The following PSMD11 variants were observed in gnomAD, a reference collection of about 807,000 sequenced individuals.
The protein encoded by PSMD11 is 26S proteasome non-ATPase regulatory subunit 11.
A neutral mutation model predicts 62.3 loss-of-function variants in PSMD11; 5 were observed. That is an observed-to-expected ratio of 0.08 (90% CI 0.04 to 0.17). PSMD11 has a LOEUF of 0.17. PSMD11 is among the 10% of genes least tolerant of loss of function. The probability of loss-of-function intolerance (pLI) is 1.00; values close to 1 mark genes in which losing one functional copy is unlikely to be tolerated. For missense variants in PSMD11, 310 were observed against 512.9 expected (o/e 0.60, Z 3.82); for synonymous variants, 191 against 191.8 (o/e 1.00, Z 0.03).
intron 7 of PSMD11, 144 bp from the exon 8 acceptor site, chr17:32,474,620 G>A: frequency 1.4e-6 from 1 of 737,320 alleles, no homozygotes; most frequent in Non-Finnish European, 2.4e-6. Context: ...AATGTGATGG[G>A]CATATGGGTT....
rs1036456310 is a variant in PSMD11 at position 32,480,462 on chromosome 17, C to T, written c.1127-27C>T. On this transcript the variant is annotated intron_variant, in intron 12 of 13. Coordinates refer to ENST00000261712, the MANE Select transcript of PSMD11 (RefSeq NM_002815.4). ...CTTTTGTGTCTAACCTCATCTTTTACCTGGGTTGCCCTTGTGTTTCTTGCA... is the reference window on the plus strand; with the variant it reads ...CTTTTGTGTCTAACCTCATCTTTTATCTGGGTTGCCCTTGTGTTTCTTGCA... The T allele has an allele frequency of 1.9e-6, 3 of 1,613,750 alleles. No individual in the cohort carries two copies. In the African/African-American group the frequency reaches 4.0e-5, roughly 22 times the overall value.
At chr17:32,473,289 T>G (rs1908224978) in intron 6 of PSMD11, among the ~76,000 whole-genome samples, 2 of 151,920 alleles carry the variant, frequency 1.3e-5, no homozygotes, top group Non-Finnish European at 2.9e-5. Flanking sequence ...TGGCTTTTTT[T>G]TTTTGAGACG....
chr17:32,454,499 T>C lies in PSMD11; in HGVS notation c.198T>C (p.Leu66=), dbSNP rs768559815. The change falls in exon 3 of 14, where the codon CTT becomes CTC. Residue 66 remains leucine, a synonymous_variant. Coordinates refer to ENST00000261712, the MANE Select transcript of PSMD11 (RefSeq NM_002815.4). ...LLAKTGQAAE[L]GGLLKYVRPF... ...TTTGAATTGCCTTTCCTACAGAGCTTGGAGGACTCCTGAAGTATGTACGAC... is the reference window on the plus strand; with the variant it reads ...TTTGAATTGCCTTTCCTACAGAGCTCGGAGGACTCCTGAAGTATGTACGAC... 5 of 1,613,594 alleles carry C rather than the reference T, an allele frequency of 3.1e-6. No homozygotes were observed. In the Admixed American group the frequency reaches 6.7e-5, roughly 22 times the overall value.
At position 32,464,135 on chromosome 17, in the gene PSMD11, A is replaced by G; in HGVS notation, c.390+15A>G. ...AAGCTTTGGAGGTAGGTTTTACATTAGTACTCATTTCAGGTCTCTAAGCAT... is the reference window on the plus strand; with the variant it reads ...AAGCTTTGGAGGTAGGTTTTACATTGGTACTCATTTCAGGTCTCTAAGCAT... On this transcript the variant is annotated intron_variant, in intron 4 of 13. Transcript: ENST00000261712. 6.2e-7 allele frequency: 1 copy of G among 1,604,176 alleles called. No individual in the cohort carries two copies. Among genetic ancestry groups the G allele is most frequent in the Non-Finnish European group, 8.5e-7 (1 of 1,170,916 alleles).
In PSMD11 at chr17:32,479,313, G is replaced by A; in HGVS notation, c.975G>A (p.Lys325=). 6.2e-7 allele frequency: 1 copy of A among 1,614,216 alleles called. No individual in the cohort carries two copies. The highest frequency in any genetic ancestry group is 8.5e-7 in the Non-Finnish European group (1 of 1,180,022). ...CAATCATCAGCACACACTTGGCCAAGTTGTATGATAACTTACTAGAACAGA... is the reference window on the plus strand; with the variant it reads ...CAATCATCAGCACACACTTGGCCAAATTGTATGATAACTTACTAGAACAGA... ...DDPIISTHLA[K]LYDNLLEQNL... is the part of the protein sequence containing the mutation. The change falls in exon 10 of 14, where the codon AAG becomes AAA. Residue 325 remains lysine (K), a synonymous_variant. Coordinates refer to ENST00000261712, the MANE Select transcript of PSMD11 (RefSeq NM_002815.4).
At chr17:32,450,398 G>A (rs1907455836) in intron 2 of PSMD11, among the ~76,000 whole-genome samples, 1 of 151,560 alleles carries the variant, frequency 6.6e-6, no homozygotes, top group Non-Finnish European at 1.5e-5. Flanking sequence ...TGGGACTACA[G>A]GCGTGAGCCA....
At position 32,474,842 on chromosome 17, in the gene PSMD11, T is replaced by C. The variant is rs1188708667; in HGVS notation, c.849+18T>C. Reference sequence around the variant, plus strand: ...GGAGGCAGGTAGGGACTCCCTTGACTGCAGTTCTGCTCACTCTGAGACCAG... The same window carrying C: ...GGAGGCAGGTAGGGACTCCCTTGACCGCAGTTCTGCTCACTCTGAGACCAG... On this transcript the variant is annotated intron_variant, in intron 8 of 13. Transcript: ENST00000261712. 1.3e-6 allele frequency: 2 copies of C among 1,593,536 alleles called. No individual in the cohort carries two copies. Among genetic ancestry groups the C allele is most frequent in the Admixed American group, 3.3e-5 (2 of 59,944 alleles).
chr17:32,474,108 C>T, intron 7 of PSMD11, 163 bp downstream of exon 7: 1 of 777,316 alleles, frequency 1.3e-6, no homozygotes, highest in Non-Finnish European at 2.0e-6. Context: ...AAAAGTGGTC[C>T]AGAAAACTTT....
rs1412889130 is a variant in PSMD11, at chr17:32,447,014, G to C, written c.161G>C (p.Gly54Ala). 2 of 1,611,942 alleles carry C rather than the reference G, an allele frequency of 1.2e-6. No homozygotes were observed. Among genetic ancestry groups the C allele is most frequent in the African/African-American group, 2.7e-5 (2 of 74,774 alleles). ...QVKEQSILEL[G>A]SLLAKTGQAA... ...AAAGAGCAGAGCATCCTGGAACTGG[G>C]ATCTCTCCTGGCAAAGACTGGACAA... The change falls in exon 2 of 14, where the codon GGA (glycine) becomes GCA (alanine). Residue 54 changes from glycine (G) to alanine (A), a missense_variant. Coordinates refer to ENST00000261712, the MANE Select transcript of PSMD11 (RefSeq NM_002815.4).
chr17:32,475,554 G>C (rs957743732), intron 8 of PSMD11, among the ~76,000 whole-genome samples: 13 of 151,280 alleles, frequency 8.6e-5, no homozygotes, highest in African/African-American at 3.2e-4. Context: ...CTCTGGAGGA[G>C]TGGCCACATA....
At chr17:32,479,675 G>C in intron 10 of PSMD11, 176 bp from the exon 11 acceptor site, 1 of 757,798 alleles carries the variant, frequency 1.3e-6, no homozygotes, top group South Asian at 1.8e-5. Flanking sequence ...TGTTTATTGT[G>C]TGTAGCAGTG....
At chr17:32,446,910 A>G (rs751558945) in intron 1 of PSMD11, 35 bp from the exon 2 acceptor site, 30 of 1,505,988 alleles carry the variant, frequency 2.0e-5, no homozygotes, top group Admixed American at 3.6e-5. Flanking sequence ...TTTTTTGGTC[A>G]GAATTTTAAG....
intron 3 of PSMD11, among the ~76,000 whole-genome samples, chr17:32,458,563 C>T (rs1907716232): frequency 1.3e-5 from 2 of 152,218 alleles, no homozygotes; most frequent in African/African-American, 2.4e-5. Context: ...CCTTGTATGA[C>T]AGTGGCTTTA....
chr17:32,470,608 A>G (rs1029860452), intron 6 of PSMD11, among the ~76,000 whole-genome samples: 5 of 152,120 alleles, frequency 3.3e-5, no homozygotes, highest in Admixed American at 1.3e-4. Context: ...TTAACAATAA[A>G]CCTCATGTGC....
chr17:32,469,273 C>G lies in PSMD11; in HGVS notation c.643+80C>G. The G allele has an allele frequency of 2.8e-6, 4 of 1,419,342 alleles. No homozygotes were observed. The South Asian group carries it at 5.6e-5, about 20-fold the overall frequency. 87.9% of individuals were successfully genotyped at this position (1,419,342 alleles called of 1,614,324 possible). On this transcript the variant is annotated intron_variant, in intron 6 of 13. Transcript: ENST00000261712. Reference sequence around the variant, plus strand: ...TAGGTGGAAGGAATGGGGGTTGGGGCTGGAGAATAAAATTGGCTGATTTGG... The same window carrying G: ...TAGGTGGAAGGAATGGGGGTTGGGGGTGGAGAATAAAATTGGCTGATTTGG...
At chr17:32,454,840 C>T (rs768279549) in intron 3 of PSMD11, 25 of 438,134 alleles carry the variant, frequency 5.7e-5, no homozygotes, top group Non-Finnish European at 8.2e-5. Context: ...CTGGAATCCT[C>T]ATTACATCAG....
Position 32,455,870 on chromosome 17 carries a change from G to A in PSMD11, c.318+1251G>A, listed in dbSNP as rs1013053466. On this transcript the variant is annotated intron_variant, in intron 3 of 13. Transcript: ENST00000261712. The stretch of plus-strand genomic sequence containing the variant: ...CTTTAAAAAACTCATGAGTCCGGGT[G>A]CGGTGGCTCACGCCTGTAATCCCAG... 1.4e-4 allele frequency among the ~76,000 whole-genome samples: 21 copies of A among 152,218 alleles called. 1 individual carries two copies. The highest frequency in any genetic ancestry group is 6.8e-3 in the Middle Eastern group (2 of 294).
At chr17:32,451,080 C>T (rs1162476358) in intron 2 of PSMD11, among the ~76,000 whole-genome samples, 2 of 144,762 alleles carry the variant, frequency 1.4e-5, no homozygotes, top group Non-Finnish European at 3.0e-5. Context: ...ACAATTGTGC[C>T]ATTGTACTAC....
chr17:32,475,416 C>T (rs900428392), intron 8 of PSMD11, among the ~76,000 whole-genome samples: 3 of 151,496 alleles, frequency 2.0e-5, no homozygotes, highest in Non-Finnish European at 2.9e-5. Flanking sequence ...GCAAAGATGA[C>T]GTCTAGACTG....
Sources: gnomAD v4.1 joint callset for allele counts (sites outside exome capture counted in the v4.1 genomes callset) on GRCh38, gnomAD v4.1.1 for gene constraint, MANE v1.5 for transcripts, NCBI Gene and HGNC (gene_info 2026-07-23, HGNC 2026-07-21) for gene names.